Variants in HNRNPM observed in about 807,000 individuals in gnomAD.
The protein encoded by HNRNPM is heterogeneous nuclear ribonucleoprotein M, also known as CEA receptor.
In HNRNPM, 11 loss-of-function variants were observed where a neutral mutation model predicts 73.1. The ratio of observed to expected loss-of-function variants is 0.15; its 90% confidence interval spans 0.09 to 0.25. HNRNPM has a LOEUF of 0.25. Among genes scored for constraint, HNRNPM ranks in the 10% least tolerant of loss-of-function variants. The pLI, the probability that HNRNPM is intolerant of heterozygous loss-of-function variation, is 1.00. For synonymous variants in HNRNPM, 407 were observed against 355.2 expected (o/e 1.15, Z -1.64); for missense variants, 789 against 1,067.9 (o/e 0.74, Z 3.64).
chr19:8,448,527 G>A (rs2145603564), intron 1 of HNRNPM, among the ~76,000 whole-genome samples: 1 of 145,778 alleles, frequency 6.9e-6, no homozygotes, highest in Non-Finnish European at 1.5e-5. Flanking sequence ...CTGGAGTGCA[G>A]TGGCGCGATC....
At chr19:8,459,026 C>T (rs1473785587) in intron 2 of HNRNPM, among the ~76,000 whole-genome samples, 2 of 152,148 alleles carry the variant, frequency 1.3e-5, no homozygotes, top group Admixed American at 1.3e-4. Flanking sequence ...CCCCTGGGTT[C>T]AAGTGATTCT....
At position 8,463,745 on chromosome 19, in the gene HNRNPM, G is replaced by T. The variant is rs1969550172; in HGVS notation, c.438+59G>T. The T allele has an allele frequency of 4.3e-6, 5 of 1,171,526 alleles. No individual in the cohort carries two copies. The Admixed American group carries it at 7.2e-5, about 17-fold the overall frequency. The allele number at this position is 1,171,526 out of a possible 1,614,324, so 72.6% of individuals were successfully genotyped here. A position where few individuals can be genotyped will look rare whatever the true frequency, so the allele number is the denominator to read the frequency against. ...GTAATTGTTGAGTGATCCTACTTTG[G>T]AATTAGGGAAAGACGGTCATGGTCC... On this transcript the variant is annotated intron_variant, in intron 5 of 15. Transcript: ENST00000325495.
chr19:8,484,376 C>T (rs1331226865), intron 13 of HNRNPM, among the ~76,000 whole-genome samples: 2 of 152,108 alleles, frequency 1.3e-5, no homozygotes, highest in Non-Finnish European at 1.5e-5. Flanking sequence ...GGGGTTTCAC[C>T]ATGTTGGCCA....
In HNRNPM at chr19:8,461,515, C is replaced by G. The variant is rs530300124; in HGVS notation, c.284-1014C>G. Among the ~76,000 whole-genome samples, 3 of 152,112 alleles carry G rather than the reference C, an allele frequency of 2.0e-5. No homozygotes were observed. In the South Asian group the frequency reaches 6.2e-4, roughly 32 times the overall value. The stretch of plus-strand genomic sequence containing the variant: ...ACACTTTACATTTGTTTTCTGTGTG[C>G]CATCTTCAAGTTCAGCAGCCATTTT... On this transcript the variant is annotated intron_variant, in intron 2 of 15. Coordinates refer to ENST00000325495, the MANE Select transcript of HNRNPM (RefSeq NM_005968.5).
At chr19:8,463,789 C>G in intron 5 of HNRNPM, 103 bp downstream of exon 5, 1 of 734,360 alleles carries the variant, frequency 1.4e-6, no homozygotes, top group Non-Finnish European at 2.3e-6. Context: ...ATTTACAAAG[C>G]AAGTGCCAGC....
chr19:8,456,794 AAC>A (rs1219047641), intron 2 of HNRNPM, among the ~76,000 whole-genome samples: 1 of 152,190 alleles, frequency 6.6e-6, no homozygotes, highest in African/African-American at 2.4e-5. Flanking sequence ...TTCTCCAGAT[AAC>A]ACAGATGGAA....
intron 5 of HNRNPM, among the ~76,000 whole-genome samples, chr19:8,464,587 G>A (rs536676535): frequency 3.9e-5 from 6 of 152,200 alleles, no homozygotes; most frequent in South Asian, 4.2e-4. Flanking sequence ...AGCCGAGATC[G>A]CGCCATTGAA....
At chr19:8,473,537 A>C (rs2145705980) in intron 10 of HNRNPM, 127 bp from the exon 11 acceptor site, 2 of 663,472 alleles carry the variant, frequency 3.0e-6, no homozygotes, top group South Asian at 3.4e-5. Flanking sequence ...TAAAATATAT[A>C]AAATATACTT....
rs1971046627 is a variant in HNRNPM at position 8,483,280 on chromosome 19, T to C, written c.1174+69T>C. The C allele has an allele frequency of 5.5e-6, 7 of 1,262,776 alleles. No individual in the cohort carries two copies. In the East Asian group the frequency reaches 1.6e-4, roughly 29 times the overall value. 78.2% of individuals were successfully genotyped at this position (1,262,776 alleles called of 1,614,324 possible). On this transcript the variant is annotated intron_variant, in intron 13 of 15. Transcript: ENST00000325495. ...TGTTATCGCTGGGGACTGTAGAGCT[T>C]AGTGGTGAGAAGTGCGGGTTCTGAC...
At chr19:8,470,065 T>C (rs1970023347) in intron 9 of HNRNPM, among the ~76,000 whole-genome samples, 4 of 152,230 alleles carry the variant, frequency 2.6e-5, no homozygotes, top group Non-Finnish European at 5.9e-5. Flanking sequence ...TGGCGATGGC[T>C]CTTGTTGACT....
rs373217343 is a variant in HNRNPM, at chr19:8,485,905, G to A, written c.1477G>A (p.Gly493Ser). 58 of 1,604,432 alleles carry A rather than the reference G, an allele frequency of 3.6e-5. No homozygotes were observed. The highest frequency in any genetic ancestry group is 1.4e-4 in the South Asian group (13 of 91,028). Residue 493 changes from glycine (G) to serine (S), a missense_variant, in exon 14 of 16, where the codon GGC becomes AGC. Transcript: ENST00000325495. The stretch of plus-strand genomic sequence containing the variant: ...GCGCATGGGTGCCGGCATGGGCTTC[G>A]GCCTTGAGCGCATGGCCGCTCCCAT... ...VERMGAGMGF[G>S]LERMAAPIDR... is the part of the protein sequence containing the mutation.
At chr19:8,452,517 A>G (rs951348205) in intron 1 of HNRNPM, among the ~76,000 whole-genome samples, 2 of 152,202 alleles carry the variant, frequency 1.3e-5, no homozygotes, top group African/African-American at 2.4e-5. Flanking sequence ...GGAGTAGACA[A>G]GTGGCCTGGG....
In HNRNPM at chr19:8,465,425, A is replaced by G. The variant is rs1446238778; in HGVS notation, c.540A>G (p.Pro180=). Residue 180 remains proline (P), a synonymous_variant, in exon 6 of 16, where the codon CCA becomes CCG. Coordinates refer to ENST00000325495, the MANE Select transcript of HNRNPM (RefSeq NM_005968.5). ...GPGGPGMITI[P]PSILNNPNIP... ...GTGGCCCAGGAATGATTACTATCCC[A>G]CCCAGTATCCTAAATAATCCCAACA... The G allele has an allele frequency of 6.2e-7, 1 of 1,613,786 alleles. No individual in the cohort carries two copies. The highest frequency in any genetic ancestry group is 2.2e-5 in the East Asian group (1 of 44,868).
chr19:8,462,573 A>C lies in HNRNPM; in HGVS notation c.328A>C (p.Lys110Gln). 6.2e-7 allele frequency: 1 copy of C among 1,613,012 alleles called. No individual in the cohort carries two copies. Among genetic ancestry groups the C allele is most frequent in the Non-Finnish European group, 8.5e-7 (1 of 1,178,960 alleles). Residue 110 changes from lysine to glutamine, a missense_variant, in exon 3 of 16, where the codon AAG becomes CAG. Coordinates refer to ENST00000325495, the MANE Select transcript of HNRNPM (RefSeq NM_005968.5). This position sits in a 1 kb window ranked among gnomAD's most constrained non-coding sequence, Gnocchi z 4.5. ...GGAGCTCTTAATGGACGCTGAAGGA[A>C]AGTCAAGGGTAAGTGTCTGAGAGAA... ...YVELLMDAEGKSRGCAVVEFK... is the reference protein window; with the variant it reads ...YVELLMDAEGQSRGCAVVEFK...
intron 8 of HNRNPM, 128 bp from the exon 9 acceptor site, chr19:8,468,646 G>A (rs1012851310): frequency 2.9e-5 from 20 of 696,434 alleles, no homozygotes; most frequent in Middle Eastern, 2.4e-4. Flanking sequence ...CTACCCTTGC[G>A]TATTACTCCA....
At chr19:8,451,277 A>AG (rs1325492898) in intron 1 of HNRNPM, among the ~76,000 whole-genome samples, 3 of 152,060 alleles carry the variant, frequency 2.0e-5, no homozygotes, top group Non-Finnish European at 4.4e-5. Context: ...TCCTGACCTC[A>AG]GGTGATCTGC....
intron 12 of HNRNPM, chr19:8,482,943 C>G: frequency 1.9e-6 from 1 of 537,242 alleles, no homozygotes; most frequent in Non-Finnish European, 3.3e-6. Flanking sequence ...GCCTCAGACT[C>G]TGGAGCTACG....
chr19:8,483,348 G>A (rs890813269), intron 13 of HNRNPM, 137 bp downstream of exon 13: 21 of 697,276 alleles, frequency 3.0e-5, no homozygotes, highest in Non-Finnish European at 4.9e-5. Flanking sequence ...TTTTCTAGCT[G>A]TGTGACGTTT....
intron 1 of HNRNPM, among the ~76,000 whole-genome samples, chr19:8,447,398 T>C (rs1191522522): frequency 2.0e-5 from 3 of 152,026 alleles, no homozygotes; most frequent in Non-Finnish European, 4.4e-5. Context: ...CATAAGGTAA[T>C]TATGCTGTGA....
Sources: gnomAD v4.1 joint callset for allele counts (sites outside exome capture counted in the v4.1 genomes callset) on GRCh38, gnomAD v4.1.1 for gene constraint, Gnocchi (gnomAD v3.1) non-coding constraint, MANE v1.5 for transcripts, NCBI Gene and HGNC (gene_info 2026-07-23, HGNC 2026-07-21) for gene names.